The following TRPC4 variants were observed in gnomAD, a reference collection of about 807,000 sequenced individuals.
TRPC4 encodes the protein short transient receptor potential channel 4.
TRPC4 carries 49 observed loss-of-function variants against 99.4 expected under a neutral mutation model. The observed-to-expected ratio is 0.49, with a 90% CI of 0.39 to 0.63. The LOEUF (loss-of-function observed/expected upper bound fraction) is 0.63. Ranked by LOEUF, TRPC4 falls within the 20% of genes least tolerant of loss-of-function variation. The probability of loss-of-function intolerance (pLI) is 0.00; values close to 1 mark genes in which losing one functional copy is unlikely to be tolerated. For missense variants in TRPC4, 898 were observed against 1,152.9 expected (o/e 0.78, Z 3.20); for synonymous variants, 454 against 425.9 (o/e 1.07, Z -0.81).
In TRPC4 at chr13:37,655,079, T is replaced by C; in HGVS notation, c.1884+9A>G. The stretch of plus-strand genomic sequence containing the variant: ...AAACATTGAATTAAAATAAAGCTGG[T>C]CAACTTACAGCAATCAGTTGGTAAG... On this transcript the variant is annotated intron_variant, in intron 7 of 10. Transcript: ENST00000379705. 1 of 1,474,444 alleles carries C rather than the reference T, an allele frequency of 6.8e-7. No homozygotes were observed. The highest frequency in any genetic ancestry group is 9.1e-7 in the Non-Finnish European group (1 of 1,102,264). 91.3% of individuals were successfully genotyped at this position (1,474,444 alleles called of 1,614,324 possible). A position where few individuals can be genotyped will look rare whatever the true frequency, so the allele number is the denominator to read the frequency against.
chr13:37,698,026 T>C (rs1271537811), intron 3 of TRPC4, among the ~76,000 whole-genome samples: 1 of 151,898 alleles, frequency 6.6e-6, no homozygotes, highest in African/African-American at 2.4e-5. Flanking sequence ...GTGGTGGTTC[T>C]CAAAATTGAG....
chr13:37,826,907 C>A (rs925905026), intron 1 of TRPC4, among the ~76,000 whole-genome samples: 1 of 152,152 alleles, frequency 6.6e-6, no homozygotes, highest in Admixed American at 6.5e-5. Context: ...CTTTCAGGTA[C>A]ACCAATCAGA....
intron 3 of TRPC4, among the ~76,000 whole-genome samples, chr13:37,694,968 A>G (rs1953860241): frequency 6.6e-6 from 1 of 152,208 alleles, no homozygotes; most frequent in South Asian, 2.1e-4. Context: ...CTACACCAGC[A>G]TTCCCTAAAT....
In TRPC4 at chr13:37,823,017, G is replaced by A. The variant is rs796456632; in HGVS notation, c.-27-39657C>T. Among the ~76,000 whole-genome samples the A allele has an allele frequency of 8.8e-3, 1,308 of 149,182 alleles. 29 individuals are homozygous for A. In the East Asian group the frequency reaches 0.097, roughly 11 times the overall value. On this transcript the variant is annotated intron_variant, in intron 1 of 10. Coordinates refer to ENST00000379705, the MANE Select transcript of TRPC4 (RefSeq NM_016179.4). ...GGTTTTGATTTGCATTTCTCTGATG[G>A]CCAGTGATGATGAGCATTTTTTCAT...
At chr13:37,797,771 C>T (rs945755314) in intron 1 of TRPC4, among the ~76,000 whole-genome samples, 3 of 152,046 alleles carry the variant, frequency 2.0e-5, no homozygotes, top group South Asian at 2.1e-4. Context: ...TAGTAATTAC[C>T]GTAGCAACTT....
In TRPC4 at chr13:37,680,447, T is replaced by A. The variant is rs529293548; in HGVS notation, c.1235-6080A>T. Among the ~76,000 whole-genome samples, 15 of 152,312 alleles carry A rather than the reference T, an allele frequency of 9.8e-5. No individual in the cohort carries two copies. The East Asian group carries it at 2.9e-3, about 29-fold the overall frequency. On this transcript the variant is annotated intron_variant, in intron 4 of 10. Coordinates refer to ENST00000379705, the MANE Select transcript of TRPC4 (RefSeq NM_016179.4). ...CCGTTCACTTCAAAAAACAGAGGTT[T>A]GGATTACATGGCTTTTACAAAGTAT...
intron 8 of TRPC4, among the ~76,000 whole-genome samples, chr13:37,650,612 T>TATACACACACACAC (rs112723578): frequency 7.1e-6 from 1 of 140,556 alleles, no homozygotes; most frequent in East Asian, 2.1e-4. Context: ...TCTCTCTCTA[T>TATACACACACACAC]ACACACACAC....
intron 8 of TRPC4, among the ~76,000 whole-genome samples, chr13:37,642,730 CTTTTTCTT>C (rs1566062154): frequency 1.3e-4 from 3 of 22,640 alleles, no homozygotes; most frequent in South Asian, 3.3e-3. Context: ...ATGATTCTTT[CTTTTTCTT>C]TTTTTTTTTT....
intron 3 of TRPC4, among the ~76,000 whole-genome samples, chr13:37,743,307 C>T (rs1218803585): frequency 6.6e-6 from 1 of 152,092 alleles, no homozygotes; most frequent in Non-Finnish European, 1.5e-5. Flanking sequence ...TCCATAACTT[C>T]ATATTAGCAA....
chr13:37,769,816 A>G (rs1956497843), intron 2 of TRPC4, among the ~76,000 whole-genome samples: 1 of 151,600 alleles, frequency 6.6e-6, no homozygotes, highest in Non-Finnish European at 1.5e-5. Flanking sequence ...GTGAATCTTT[A>G]GACATAGATC....
intron 5 of TRPC4, among the ~76,000 whole-genome samples, chr13:37,671,594 A>C (rs1251907137): frequency 6.6e-6 from 1 of 152,122 alleles, no homozygotes; most frequent in Non-Finnish European, 1.5e-5. Context: ...AAAAGAAAAA[A>C]CTAATTTAGT....
intron 8 of TRPC4, among the ~76,000 whole-genome samples, chr13:37,648,640 T>A (rs1258717075): frequency 1.3e-5 from 2 of 152,104 alleles, no homozygotes; most frequent in Non-Finnish European, 2.9e-5. Context: ...TATAAACACA[T>A]AAAAGAAATG....
intron 1 of TRPC4, among the ~76,000 whole-genome samples, chr13:37,828,442 T>A (rs1004541819): frequency 6.6e-6 from 1 of 152,178 alleles, no homozygotes; most frequent in Non-Finnish European, 1.5e-5. Context: ...TTCAAAGAAC[T>A]TAAAATCAAA....
chr13:37,686,657 TG>T (rs1953491383), intron 4 of TRPC4, among the ~76,000 whole-genome samples: 2 of 152,202 alleles, frequency 1.3e-5, no homozygotes, highest in African/African-American at 4.8e-5. Context: ...TTTAAAAATT[TG>T]CTAAATAAAG....
chr13:37,683,946 A>G (rs1000976085), intron 4 of TRPC4, among the ~76,000 whole-genome samples: 1 of 152,180 alleles, frequency 6.6e-6, no homozygotes, highest in Admixed American at 6.5e-5. Context: ...GATAACCGAT[A>G]GTGATATCAT....
At chr13:37,753,214 A>G (rs1022992095) in intron 2 of TRPC4, among the ~76,000 whole-genome samples, 1 of 152,150 alleles carries the variant, frequency 6.6e-6, no homozygotes, top group African/African-American at 2.4e-5. Context: ...CATGAGAGAT[A>G]CATTTATAAA....
At chr13:37,802,668 G>A (rs1957432723) in intron 1 of TRPC4, among the ~76,000 whole-genome samples, 1 of 152,084 alleles carries the variant, frequency 6.6e-6, no homozygotes, top group Non-Finnish European at 1.5e-5. Flanking sequence ...TCTAATAGAA[G>A]CAAGTCAGTA....
chr13:37,718,943 G>A (rs1954770554), intron 3 of TRPC4, among the ~76,000 whole-genome samples: 1 of 151,674 alleles, frequency 6.6e-6, no homozygotes, highest in Admixed American at 6.6e-5. Flanking sequence ...ACCTCAAACA[G>A]AATAACAATG....
At chr13:37,701,942 A>G (rs1437103339) in intron 3 of TRPC4, among the ~76,000 whole-genome samples, 1 of 152,166 alleles carries the variant, frequency 6.6e-6, no homozygotes, top group Non-Finnish European at 1.5e-5. Flanking sequence ...AGGTGGCTTA[A>G]AACAACATAT....
Sources: allele counts gnomAD v4.1 joint callset (sites outside exome capture counted in the v4.1 genomes callset), GRCh38; gene constraint gnomAD v4.1.1; transcripts MANE v1.5; gene names NCBI Gene and HGNC (gene_info 2026-07-23, HGNC 2026-07-21).